CPA6: variants seen among roughly 807,000 people sequenced by gnomAD.
CPA6 encodes the protein carboxypeptidase B.
A neutral mutation model predicts 63.3 loss-of-function variants in CPA6; 58 were observed. The ratio of observed to expected loss-of-function variants is 0.92; its 90% CI spans 0.74 to 1.14. The LOEUF is 1.14. Among genes scored for constraint, CPA6 ranks in the 50% most tolerant of loss-of-function variants. The probability of loss-of-function intolerance (pLI) is 0.00; values close to 1 mark genes in which losing one functional copy is unlikely to be tolerated. For synonymous variants in CPA6, 185 were observed against 179.0 expected (o/e 1.03, Z -0.27); for missense variants, 565 against 526.6 (o/e 1.07, Z -0.71).
intron 8 of CPA6, among the ~76,000 whole-genome samples, chr8:67,449,846 C>G (rs896005177): frequency 3.0e-5 from 4 of 133,236 alleles, no homozygotes; most frequent in African/African-American, 1.1e-4. Flanking sequence ...GAGTCTTGCT[C>G]TATCCCCCAG....
intron 2 of CPA6, among the ~76,000 whole-genome samples, chr8:67,536,693 T>C (rs1383891565): frequency 6.6e-6 from 1 of 152,226 alleles, no homozygotes; most frequent in Middle Eastern, 3.2e-3. Flanking sequence ...TTTATTTCTT[T>C]CTCTTGCCTG....
chr8:67,443,991 GTT>G (rs773274256), intron 8 of CPA6, among the ~76,000 whole-genome samples: 1 of 142,020 alleles, frequency 7.0e-6, no homozygotes, highest in South Asian at 2.2e-4. Flanking sequence ...GACATCCGTA[GTT>G]TTTTTTTTTT....
Position 67,544,751 on chromosome 8 carries a change from A to G in CPA6, c.193-26704T>C, listed in dbSNP as rs567648479. ...GTAATTCGCTGCTTCTGCCATATATATATCTTTCGTACAACTTAAACTTTC... is the reference window on the plus strand; with the variant it reads ...GTAATTCGCTGCTTCTGCCATATATGTATCTTTCGTACAACTTAAACTTTC... On this transcript the variant is annotated intron_variant, in intron 2 of 10. Transcript: ENST00000297770. 3.3e-5 allele frequency among the ~76,000 whole-genome samples: 5 copies of G among 152,250 alleles called. No individual in the cohort carries two copies. The South Asian group carries it at 8.3e-4, about 25-fold the overall frequency.
At chr8:67,443,885 T>G (rs897035988) in intron 8 of CPA6, among the ~76,000 whole-genome samples, 1 of 152,132 alleles carries the variant, frequency 6.6e-6, no homozygotes, top group Admixed American at 6.5e-5. Flanking sequence ...AAGAAATATT[T>G]GGAAGATTAA....
At chr8:67,471,960 G>C (rs551338183) in intron 8 of CPA6, among the ~76,000 whole-genome samples, 1 of 152,104 alleles carries the variant, frequency 6.6e-6, no homozygotes, top group South Asian at 2.1e-4. Context: ...TGAAATTTAC[G>C]AAAATAAAAA....
chr8:67,484,500 G>T (rs143970812), intron 7 of CPA6, among the ~76,000 whole-genome samples, 179 bp downstream of exon 7: 1 of 152,214 alleles, frequency 6.6e-6, no homozygotes, highest in South Asian at 2.1e-4. Flanking sequence ...AAATCTAGAT[G>T]TGAAAATGAA....
At chr8:67,497,594 C>T (rs146590685) in intron 6 of CPA6, among the ~76,000 whole-genome samples, 34 of 152,234 alleles carry the variant, frequency 2.2e-4, no homozygotes, top group Admixed American at 5.2e-4. Context: ...TGGGTACACA[C>T]ATAGGAGTGG....
intron 10 of CPA6, among the ~76,000 whole-genome samples, chr8:67,422,975 C>T (rs913608735): frequency 3.9e-5 from 6 of 152,328 alleles, no homozygotes; most frequent in Non-Finnish European, 7.4e-5. Flanking sequence ...TTATGTTCAT[C>T]CCCACTTCAT....
At chr8:67,603,085 A>C (rs962322091) in intron 2 of CPA6, among the ~76,000 whole-genome samples, 1 of 152,194 alleles carries the variant, frequency 6.6e-6, no homozygotes, top group Non-Finnish European at 1.5e-5. Flanking sequence ...GAAAAGAAAT[A>C]AGTTCCTATT....
chr8:67,605,690 G>A (rs1054936307), intron 2 of CPA6, among the ~76,000 whole-genome samples: 1 of 152,016 alleles, frequency 6.6e-6, no homozygotes, highest in African/African-American at 2.4e-5. Context: ...AGAGATACTG[G>A]TTCTATTAAA....
intron 1 of CPA6, among the ~76,000 whole-genome samples, chr8:67,650,638 T>C (rs912157356): frequency 7.2e-5 from 11 of 152,082 alleles, no homozygotes; most frequent in Non-Finnish European, 1.6e-4. Flanking sequence ...CACTTCTGCA[T>C]TGTAGCTGGG....
intron 1 of CPA6, among the ~76,000 whole-genome samples, chr8:67,632,917 T>A (rs1815376614): frequency 6.6e-6 from 1 of 152,206 alleles, no homozygotes; most frequent in Non-Finnish European, 1.5e-5. Context: ...TATAAAAAGG[T>A]CTATATATAC....
intron 1 of CPA6, among the ~76,000 whole-genome samples, chr8:67,636,444 G>T (rs1354969116): frequency 6.6e-6 from 1 of 151,438 alleles, no homozygotes. Flanking sequence ...GTTTACTTTG[G>T]ATATTTTTAG....
At chr8:67,463,075 T>C (rs954820326) in intron 8 of CPA6, among the ~76,000 whole-genome samples, 2 of 152,238 alleles carry the variant, frequency 1.3e-5, no homozygotes, top group Non-Finnish European at 2.9e-5. Context: ...AATTGGTTAT[T>C]TGGCTAACCA....
In CPA6 at chr8:67,653,667, A is replaced by G. The variant is rs372929933; in HGVS notation, c.117-29416T>C. ...GCTGAGACAATGGGGTTTTCTAGAT[A>G]TATAATCATGTCATCTGCAAACATG... On this transcript the variant is annotated intron_variant, in intron 1 of 10. Transcript: ENST00000297770. Among the ~76,000 whole-genome samples the G allele has an allele frequency of 6.6e-5, 10 of 152,262 alleles. 1 individual carries two copies. The highest frequency in any genetic ancestry group is 2.6e-4 in the Admixed American group (4 of 15,294).
intron 3 of CPA6, among the ~76,000 whole-genome samples, chr8:67,515,312 T>C (rs1875714): frequency 0.47 from 71,569 of 152,006 alleles, 18,879 homozygotes; most frequent in African/African-American, 0.74. Context: ...TCCACTGATG[T>C]CCCTTCTCGC....
chr8:67,731,462 AC>A (rs1217676009), intron 1 of CPA6, among the ~76,000 whole-genome samples: 1 of 152,204 alleles, frequency 6.6e-6, no homozygotes, highest in African/African-American at 2.4e-5. Flanking sequence ...AACTGATTTC[AC>A]ACCACCTCTG....
At chr8:67,592,467 A>T (rs1457277277) in intron 2 of CPA6, among the ~76,000 whole-genome samples, 2 of 151,922 alleles carry the variant, frequency 1.3e-5, no homozygotes, top group South Asian at 2.1e-4. Flanking sequence ...GAATGGTACC[A>T]GTTCCTCCTT....
At chr8:67,687,084 C>A (rs1292140791) in intron 1 of CPA6, among the ~76,000 whole-genome samples, 1 of 125,388 alleles carries the variant, frequency 8.0e-6, no homozygotes, top group Non-Finnish European at 1.6e-5. Flanking sequence ...TTAGAAGCAA[C>A]ATCTTAACTC....
Sources: gnomAD v4.1 joint callset for allele counts (sites outside exome capture counted in the v4.1 genomes callset) on GRCh38, gnomAD v4.1.1 for gene constraint, MANE v1.5 for transcripts, NCBI Gene and HGNC (gene_info 2026-07-23, HGNC 2026-07-21) for gene names.